DTNA: variants seen among roughly 807,000 people sequenced by gnomAD.
DTNA encodes the protein dystrobrevin alpha, also known as dystrophin-related protein 3.
DTNA carries 43 observed loss-of-function variants against 100.7 expected under a neutral mutation model. The observed-to-expected ratio is 0.43, with a 90% CI of 0.33 to 0.55. DTNA has a LOEUF of 0.55. Ranked by LOEUF, DTNA falls within the 20% of genes least tolerant of loss-of-function variation. DTNA has a pLI of 0.04. For synonymous variants in DTNA, 349 were observed against 347.9 expected, an observed-to-expected ratio of 1.00 and a Z score of -0.04; for missense variants, 798 against 953.9, an observed-to-expected ratio of 0.84 and a Z score of 2.15.
chr18:34,738,919 AC>A (rs2090136306), intron 1 of DTNA, among the ~76,000 whole-genome samples: 1 of 152,172 alleles, frequency 6.6e-6, no homozygotes, highest in Non-Finnish European at 1.5e-5. Context: ...TGTTTTTACA[AC>A]TTTTATTTTA....
chr18:34,882,577 C>T (rs1246015771), intron 21 of DTNA, among the ~76,000 whole-genome samples: 1 of 151,988 alleles, frequency 6.6e-6, no homozygotes, highest in African/African-American at 2.4e-5. Context: ...ACCATATTGG[C>T]CAGGCCAGTC....
At chr18:34,878,509 T>C (rs72954205) in intron 19 of DTNA, among the ~76,000 whole-genome samples, 9 of 152,274 alleles carry the variant, frequency 5.9e-5, no homozygotes, top group Non-Finnish European at 1.0e-4. Context: ...CTTGCCTTTT[T>C]TCCCCAGGCT....
intron 1 of DTNA, among the ~76,000 whole-genome samples, chr18:34,742,039 C>T (rs2090742467): frequency 6.6e-6 from 1 of 152,078 alleles, no homozygotes; most frequent in African/African-American, 2.4e-5. Context: ...TTAGGAATCA[C>T]AGTAGGCCTG....
chr18:34,634,440 T>A (rs2148191653), intron 1 of DTNA, among the ~76,000 whole-genome samples: 1 of 152,224 alleles, frequency 6.6e-6, no homozygotes, highest in South Asian at 2.1e-4. Context: ...TAAACAAAAA[T>A]TTAGTAAGAA....
At chr18:34,740,683 T>C (rs887207925) in intron 1 of DTNA, among the ~76,000 whole-genome samples, 1 of 151,940 alleles carries the variant, frequency 6.6e-6, no homozygotes, top group African/African-American at 2.4e-5. Context: ...GTGGTCCCCA[T>C]TACTCGGGAG....
At chr18:34,702,094 T>A (rs2081456704) in intron 1 of DTNA, among the ~76,000 whole-genome samples, 1 of 152,180 alleles carries the variant, frequency 6.6e-6, no homozygotes, top group Admixed American at 6.5e-5. Context: ...CCTGTCCCCA[T>A]CTGCACAGTG....
Position 34,888,770 on chromosome 18 carries a change from C to A in DTNA, c.*1036C>A, listed in dbSNP as rs1450453762. 3 of 985,740 alleles carry A rather than the reference C, an allele frequency of 3.0e-6. No individual in the cohort carries two copies. The highest frequency in any genetic ancestry group is 3.6e-6 in the Non-Finnish European group (3 of 829,946). The allele number at this position is 985,740 out of a possible 1,614,324, so 61.1% of individuals were successfully genotyped here. A position where few individuals can be genotyped will look rare whatever the true frequency, so the allele number is the denominator to read the frequency against. On this transcript the variant is annotated 3_prime_UTR_variant, in exon 23 of 23. Transcript: ENST00000444659. The stretch of plus-strand genomic sequence containing the variant: ...TTAGGAAGCATGTCTTTAACAGCAC[C>A]GCTCGTTCACAAGTTCCCCCATCAA...
chr18:34,884,713 C>G lies in DTNA; in HGVS notation c.2296-15C>G. On this transcript the variant is annotated splice_polypyrimidine_tract_variant and intron_variant, in intron 21 of 22. Transcript: ENST00000444659. ...ACGTGTCACCTTTCTCGTTTGTGTC[C>G]TTTGTCACCCACAGGTCAGCTTGCA... is the stretch of plus-strand genomic sequence containing the variant. 1 of 1,614,028 alleles carries G rather than the reference C, an allele frequency of 6.2e-7. No individual in the cohort carries two copies. The highest frequency in any genetic ancestry group is 2.2e-5 in the East Asian group (1 of 44,876).
At chr18:34,609,968 C>A (rs2053909665) in intron 1 of DTNA, among the ~76,000 whole-genome samples, 4 of 152,144 alleles carry the variant, frequency 2.6e-5, no homozygotes, top group African/African-American at 9.7e-5. Flanking sequence ...GACCAATTTT[C>A]TCCAAAGAGC....
In DTNA at chr18:34,834,308, C is replaced by G. The variant is rs892764608; in HGVS notation, c.1176-3786C>G. 6.6e-4 allele frequency among the ~76,000 whole-genome samples: 99 copies of G among 150,364 alleles called. 6 individuals are homozygous for G. The highest frequency in any genetic ancestry group is 1.8e-4 in the Non-Finnish European group (12 of 67,608). On this transcript the variant is annotated intron_variant, in intron 11 of 22. Transcript: ENST00000444659. The stretch of plus-strand genomic sequence containing the variant: ...GTCAGGAGTTTGAGACCAGCCTGGC[C>G]AACATGGTGAAACCCTGTCTCTATT...
intron 19 of DTNA, among the ~76,000 whole-genome samples, chr18:34,878,069 C>A (rs542650389): frequency 6.6e-6 from 1 of 152,074 alleles, no homozygotes; most frequent in South Asian, 2.1e-4. Context: ...AACACTTGGG[C>A]TCAAGTGATC....
chr18:34,583,061 C>T (rs2048785953), intron 1 of DTNA, among the ~76,000 whole-genome samples: 1 of 152,154 alleles, frequency 6.6e-6, no homozygotes, highest in African/African-American at 2.4e-5. Context: ...ATTGTATTTT[C>T]ACTTTTTAAG....
intron 1 of DTNA, among the ~76,000 whole-genome samples, chr18:34,649,711 C>T (rs2060236514): frequency 6.6e-6 from 1 of 151,928 alleles, no homozygotes; most frequent in Admixed American, 6.6e-5. Context: ...ATTGGGATAT[C>T]CTTCACTTTC....
intron 1 of DTNA, among the ~76,000 whole-genome samples, chr18:34,590,736 G>A (rs16965583): frequency 0.1 from 15,665 of 152,170 alleles, 1,169 homozygotes; most frequent in African/African-American, 0.21. Context: ...CCTAGAAGCT[G>A]TTTTTCTGAT....
chr18:34,663,414 C>T (rs1284435240), intron 1 of DTNA, among the ~76,000 whole-genome samples: 1 of 152,178 alleles, frequency 6.6e-6, no homozygotes, highest in Non-Finnish European at 1.5e-5. Flanking sequence ...ATTCTCCTGC[C>T]TTGGCCTCCC....
At chr18:34,494,015 C>G (rs2038878730) in intron 1 of DTNA, 1 of 150,342 alleles carries the variant, frequency 6.7e-6, no homozygotes, top group Non-Finnish European at 1.5e-5. Context: ...GGCGCGGGGC[C>G]GCGCAGGTAA....
intron 3 of DTNA, among the ~76,000 whole-genome samples, chr18:34,788,486 A>G (rs1307263050): frequency 6.6e-6 from 1 of 152,108 alleles, no homozygotes; most frequent in Non-Finnish European, 1.5e-5. Context: ...GGAAACTGAA[A>G]CCTAAGGAAG....
At chr18:34,716,178 C>T (rs550507702) in intron 1 of DTNA, among the ~76,000 whole-genome samples, 10 of 152,238 alleles carry the variant, frequency 6.6e-5, no homozygotes, top group Admixed American at 3.3e-4. Flanking sequence ...CATAGTTTTT[C>T]GTTGTTTCAG....
At chr18:34,636,966 A>G (rs1028555855) in intron 1 of DTNA, among the ~76,000 whole-genome samples, 10 of 152,176 alleles carry the variant, frequency 6.6e-5, no homozygotes, top group Non-Finnish European at 1.0e-4. Context: ...TCTGTCATTG[A>G]TTGGAACTTC....
Sources: gnomAD v4.1 joint callset for allele counts (sites outside exome capture counted in the v4.1 genomes callset) on GRCh38, gnomAD v4.1.1 for gene constraint, MANE v1.5 for transcripts, NCBI Gene and HGNC (gene_info 2026-07-23, HGNC 2026-07-21) for gene names.